The following KCNMA1 variants were observed in gnomAD, a reference collection of about 807,000 sequenced individuals.
KCNMA1 encodes potassium calcium-activated channel subfamily M alpha 1.
In KCNMA1, 29 loss-of-function variants were observed where a neutral mutation model predicts 140.0. That is an observed-to-expected ratio of 0.21 (90% CI 0.15 to 0.28). The LOEUF (loss-of-function observed/expected upper bound fraction) is 0.28. KCNMA1 is among the 10% of genes least tolerant of loss of function. The pLI is 1.00. For synonymous variants in KCNMA1, 612 were observed against 611.9 expected, an observed-to-expected ratio of 1.00 and a Z score of 0.00; for missense variants, 880 against 1,602.2, an observed-to-expected ratio of 0.55 and a Z score of 7.70.
chr10:77,090,507 G>A lies in KCNMA1; in HGVS notation c.1227C>T (p.His409=), dbSNP rs202161397. The change falls in exon 10 of 28, where the codon CAC becomes CAT. Residue 409 remains histidine, a synonymous_variant. Coordinates refer to ENST00000286628, the MANE Select transcript of KCNMA1 (RefSeq NM_001161352.2). ...GAGTGATGTGTCCGCAGACCACAAT[G>A]TGCCTGAACAGGAGAGGCCAGTTAG... is the stretch of plus-strand genomic sequence containing the variant. ...GSYSAVSGRK[H]IVVCGHITLE... 96 of 1,610,240 alleles carry A rather than the reference G, an allele frequency of 6.0e-5. No individual in the cohort carries two copies. Among genetic ancestry groups the A allele is most frequent in the Non-Finnish European group, 8.1e-5 (95 of 1,176,570 alleles).
intron 2 of KCNMA1, among the ~76,000 whole-genome samples, chr10:77,391,031 G>A (rs1490859555): frequency 1.3e-5 from 2 of 152,122 alleles, no homozygotes; most frequent in Non-Finnish European, 2.9e-5. Context: ...AAAGAAAAAT[G>A]GGAAAAAGGT....
At chr10:77,344,929 A>G (rs991200857) in intron 2 of KCNMA1, among the ~76,000 whole-genome samples, 2 of 152,230 alleles carry the variant, frequency 1.3e-5, no homozygotes, top group African/African-American at 4.8e-5. Context: ...GAACAAAAAG[A>G]TAATAATAAC....
chr10:77,287,971 G>A (rs1601367116), intron 2 of KCNMA1, among the ~76,000 whole-genome samples: 2 of 152,206 alleles, frequency 1.3e-5, no homozygotes, highest in Non-Finnish European at 2.9e-5. Flanking sequence ...GACCCAGATG[G>A]GCTGGCAGAG....
intron 23 of KCNMA1, among the ~76,000 whole-genome samples, chr10:76,926,430 A>G (rs1368924774): frequency 6.6e-6 from 1 of 152,212 alleles, no homozygotes; most frequent in African/African-American, 2.4e-5. Context: ...TGCTTACAAC[A>G]GCACCTGGCA....
chr10:77,444,761 C>T (rs991700407), intron 1 of KCNMA1, among the ~76,000 whole-genome samples: 2 of 152,064 alleles, frequency 1.3e-5, no homozygotes, highest in South Asian at 2.1e-4. Flanking sequence ...CTGCTGAGTC[C>T]CAGGGAGCAG....
At chr10:76,996,610 G>C (rs767263529) in intron 19 of KCNMA1, among the ~76,000 whole-genome samples, 6 of 150,716 alleles carry the variant, frequency 4.0e-5, no homozygotes, top group African/African-American at 1.2e-4. Flanking sequence ...TATTGACACA[G>C]AGAGAGAGAG....
chr10:76,990,697 C>T (rs2082486889), intron 19 of KCNMA1, among the ~76,000 whole-genome samples: 1 of 152,126 alleles, frequency 6.6e-6, no homozygotes, highest in South Asian at 2.1e-4. Context: ...CTGTTTAGGG[C>T]TTTGGTTTTG....
At chr10:77,183,653 A>G (rs2098821005) in intron 4 of KCNMA1, 121 bp from the exon 5 acceptor site, 1 of 716,418 alleles carries the variant, frequency 1.4e-6, no homozygotes, top group South Asian at 1.5e-5. Context: ...CGCCCGGCTA[A>G]TTTTTGTATT....
chr10:77,577,440 G>A (rs188348702), intron 1 of KCNMA1, among the ~76,000 whole-genome samples: 113 of 152,244 alleles, frequency 7.4e-4, no homozygotes, highest in African/African-American at 2.2e-3. Flanking sequence ...AGGACCGGGA[G>A]AGACCGAGAC....
At chr10:77,413,753 G>A (rs1156897513) in intron 1 of KCNMA1, among the ~76,000 whole-genome samples, 1 of 152,178 alleles carries the variant, frequency 6.6e-6, no homozygotes, top group Non-Finnish European at 1.5e-5. Flanking sequence ...CTCTGCACCA[G>A]CAGGGCTTAA....
chr10:77,474,609 A>T (rs931414944), intron 1 of KCNMA1, among the ~76,000 whole-genome samples: 1 of 152,064 alleles, frequency 6.6e-6, no homozygotes, highest in African/African-American at 2.4e-5. Flanking sequence ...GGGGCGCGGT[A>T]GGGTGTGCCC....
intron 5 of KCNMA1, among the ~76,000 whole-genome samples, chr10:77,134,582 T>C (rs762100372): frequency 1.3e-5 from 2 of 152,048 alleles, no homozygotes; most frequent in Non-Finnish European, 2.9e-5. Context: ...AAGAGCCCCA[T>C]GACAACGGTC....
chr10:77,119,043 C>A (rs2097541239), intron 6 of KCNMA1, among the ~76,000 whole-genome samples: 1 of 152,172 alleles, frequency 6.6e-6, no homozygotes, highest in African/African-American at 2.4e-5. Flanking sequence ...TGGCAGATGC[C>A]CAGACAGCCT....
intron 3 of KCNMA1, among the ~76,000 whole-genome samples, chr10:77,247,193 G>C (rs557138378): frequency 6.6e-6 from 1 of 152,248 alleles, no homozygotes; most frequent in Non-Finnish European, 1.5e-5. Flanking sequence ...ATGAATCAAA[G>C]GAATAAATAT....
At chr10:77,263,339 A>T (rs770174919) in intron 2 of KCNMA1, among the ~76,000 whole-genome samples, 5 of 152,102 alleles carry the variant, frequency 3.3e-5, no homozygotes, top group Non-Finnish European at 5.9e-5. Flanking sequence ...TTTTTTAGAG[A>T]CCTTATTTTG....
At chr10:77,475,760 T>C (rs1343192876) in intron 1 of KCNMA1, among the ~76,000 whole-genome samples, 3 of 152,080 alleles carry the variant, frequency 2.0e-5, no homozygotes, top group Non-Finnish European at 1.5e-5. Flanking sequence ...ACACGCCATA[T>C]GCACATTTCA....
intron 15 of KCNMA1, among the ~76,000 whole-genome samples, chr10:77,031,440 A>G (rs1425016092): frequency 6.6e-6 from 1 of 152,202 alleles, no homozygotes; most frequent in Non-Finnish European, 1.5e-5. Context: ...CTCACTCTTC[A>G]TTCTTTCTTG....
chr10:76,965,518 T>C (rs1409431908), intron 20 of KCNMA1, among the ~76,000 whole-genome samples: 1 of 152,164 alleles, frequency 6.6e-6, no homozygotes, highest in African/African-American at 2.4e-5. Flanking sequence ...TCGAAAACCT[T>C]CAGGGGTTCC....
chr10:77,393,946 T>G (rs2154446890), intron 2 of KCNMA1, among the ~76,000 whole-genome samples: 1 of 152,368 alleles, frequency 6.6e-6, no homozygotes, highest in East Asian at 1.9e-4. Context: ...GCAAGTGCTC[T>G]GCTTGCTTAC....
Sources: allele counts gnomAD v4.1 joint callset (sites outside exome capture counted in the v4.1 genomes callset), GRCh38; gene constraint gnomAD v4.1.1; transcripts MANE v1.5; gene names NCBI Gene and HGNC (gene_info 2026-07-23, HGNC 2026-07-21).